The following MICU3 variants were observed in gnomAD, a reference collection of about 807,000 sequenced individuals.
MICU3 encodes the protein calcium uptake protein 3, mitochondrial.
MICU3 carries 62 observed loss-of-function variants against 66.5 expected under a neutral mutation model. The ratio of observed to expected loss-of-function variants is 0.93; its 90% CI spans 0.76 to 1.15. The LOEUF (loss-of-function observed/expected upper bound fraction) is 1.15. Ranked by LOEUF, MICU3 falls within the 50% of genes most tolerant of loss-of-function variation. The probability of loss-of-function intolerance (pLI) is 0.00; values close to 1 mark genes in which losing one functional copy is unlikely to be tolerated. For synonymous variants in MICU3, 308 were observed against 240.7 expected, an observed-to-expected ratio of 1.28 and a Z score of -2.59; for missense variants, 779 against 664.4, an observed-to-expected ratio of 1.17 and a Z score of -1.90.
downstream of MICU3, among the ~76,000 whole-genome samples, chr8:17,124,630 A>G (rs925651460): frequency 6.6e-6 from 1 of 150,670 alleles, no homozygotes; most frequent in African/African-American, 2.4e-5. Context: ...CTTATCTTTT[A>G]TTTTTTGGAA....
At chr8:17,114,012 G>T (rs1802452956) in intron 11 of MICU3, 81 bp from the exon 12 acceptor site, 1 of 854,582 alleles carries the variant, frequency 1.2e-6, no homozygotes. Flanking sequence ...TGCTTAATCT[G>T]TTTTTTTCTC....
rs1450434797 is a variant in MICU3, at chr8:17,027,710, G to C, written c.381+50G>C. The C allele has an allele frequency of 3.2e-6, 4 of 1,262,206 alleles. No homozygotes were observed. In the South Asian group the frequency reaches 1.2e-4, roughly 39 times the overall value. 78.2% of individuals were successfully genotyped at this position (1,262,206 alleles called of 1,614,324 possible). A position where few individuals can be genotyped will look rare whatever the true frequency, so the allele number is the denominator to read the frequency against. ...CCTGCGCGGGGGATGTGACCTTCGTGCCGGGTACGCAGGACCCTGGAGGCT... is the reference window on the plus strand; with the variant it reads ...CCTGCGCGGGGGATGTGACCTTCGTCCCGGGTACGCAGGACCCTGGAGGCT... On this transcript the variant is annotated intron_variant, in intron 1 of 14. Coordinates refer to ENST00000318063, the MANE Select transcript of MICU3 (RefSeq NM_181723.3).
chr8:17,103,401 C>G (rs1040834182), intron 9 of MICU3, among the ~76,000 whole-genome samples: 1 of 151,798 alleles, frequency 6.6e-6, no homozygotes, highest in African/African-American at 2.4e-5. Context: ...TATAAGAGTT[C>G]TGGACAAAAA....
chr8:17,039,998 C>G lies in MICU3; in HGVS notation c.381+12338C>G, dbSNP rs749088417. On this transcript the variant is annotated intron_variant, in intron 1 of 14. Transcript: ENST00000318063. ...TCTCAGCTCACTGCAACCTCCACCT[C>G]CCATGTTCAAGTGATTCTCTTGCCT... Among the ~76,000 whole-genome samples the G allele has an allele frequency of 2.7e-5, 4 of 146,194 alleles. No individual in the cohort carries two copies. The East Asian group carries it at 8.5e-4, about 31-fold the overall frequency.
chr8:17,129,961 T>C, the MICU3 span, among the ~76,000 whole-genome samples: 1 of 152,194 alleles, frequency 6.6e-6, no homozygotes, highest in African/African-American at 2.4e-5. Context: ...GTATAACATC[T>C]TTAAATGGTG....
intron 3 of MICU3, among the ~76,000 whole-genome samples, chr8:17,077,002 T>C (rs1003525159): frequency 2.0e-5 from 3 of 152,256 alleles, no homozygotes; most frequent in Admixed American, 2.0e-4. Context: ...AATCAAATTA[T>C]AGTTTTCACT....
chr8:17,095,103 T>C (rs1317031582), intron 8 of MICU3, among the ~76,000 whole-genome samples: 3 of 152,056 alleles, frequency 2.0e-5, no homozygotes, highest in Non-Finnish European at 2.9e-5. Flanking sequence ...CTTTCAAATC[T>C]AGCTTCATAT....
At chr8:17,124,194 A>G (rs1057208190), downstream of MICU3, among the ~76,000 whole-genome samples, 1 of 152,046 alleles carries the variant, frequency 6.6e-6, no homozygotes, top group Non-Finnish European at 1.5e-5. Context: ...CCCCTCCACT[A>G]TCCTTTCAGT....
intron 1 of MICU3, among the ~76,000 whole-genome samples, chr8:17,049,096 C>T (rs371500264): frequency 2.0e-5 from 3 of 152,288 alleles, no homozygotes; most frequent in East Asian, 3.9e-4. Flanking sequence ...ATATTTCAGA[C>T]TGGGAACATT....
intron 4 of MICU3, among the ~76,000 whole-genome samples, chr8:17,079,870 TA>T (rs1180530080): frequency 6.6e-6 from 1 of 152,070 alleles, no homozygotes; most frequent in Non-Finnish European, 1.5e-5. Context: ...ATTTAAATAA[TA>T]AAAAAATTGA....
chr8:17,079,727 C>T (rs990473671), intron 4 of MICU3, among the ~76,000 whole-genome samples: 1 of 151,952 alleles, frequency 6.6e-6, no homozygotes, highest in Non-Finnish European at 1.5e-5. Context: ...CTTCTGGACT[C>T]AAACGGTCCT....
intron 14 of MICU3, among the ~76,000 whole-genome samples, chr8:17,118,988 T>G (rs972692895): frequency 5.3e-5 from 8 of 152,196 alleles, no homozygotes; most frequent in African/African-American, 1.9e-4. Context: ...AAATTGGACT[T>G]TTATAATATA....
At chr8:17,094,016 A>G (rs1382297152) in intron 8 of MICU3, among the ~76,000 whole-genome samples, 2 of 152,090 alleles carry the variant, frequency 1.3e-5, no homozygotes, top group Admixed American at 6.6e-5. Flanking sequence ...TAATCCCTCA[A>G]TGTCCTTCAA....
In MICU3 at chr8:17,080,191, A is replaced by G. The variant is rs541788130; in HGVS notation, c.647-1502A>G. Among the ~76,000 whole-genome samples the G allele has an allele frequency of 9.9e-5, 15 of 152,148 alleles. No homozygotes were observed. The South Asian group carries it at 3.1e-3, about 32-fold the overall frequency. On this transcript the variant is annotated intron_variant, in intron 4 of 14. Coordinates refer to ENST00000318063, the MANE Select transcript of MICU3 (RefSeq NM_181723.3). The stretch of plus-strand genomic sequence containing the variant: ...CATTAAAAATATACCGTTCATCTTC[A>G]GTAGTATTTTCTCTTTTCCTTGACC...
chr8:17,077,517 A>G (rs1280830911), intron 3 of MICU3, among the ~76,000 whole-genome samples: 2 of 152,196 alleles, frequency 1.3e-5, no homozygotes, highest in African/African-American at 2.4e-5. Context: ...TGTCTTATGT[A>G]TAACCTCCCG....
At chr8:17,041,001 T>C (rs1813973732) in intron 1 of MICU3, among the ~76,000 whole-genome samples, 1 of 152,202 alleles carries the variant, frequency 6.6e-6, no homozygotes, top group Non-Finnish European at 1.5e-5. Flanking sequence ...CTGTAACTTG[T>C]ACAATAGATC....
intron 11 of MICU3, among the ~76,000 whole-genome samples, chr8:17,108,644 C>G (rs1220344664): frequency 6.6e-6 from 1 of 152,194 alleles, no homozygotes; most frequent in Non-Finnish European, 1.5e-5. Flanking sequence ...ACCTCCACTG[C>G]TACCATCCAA....
intron 9 of MICU3, chr8:17,102,535 T>C (rs760438444): frequency 2.0e-5 from 3 of 151,924 alleles, no homozygotes; most frequent in Non-Finnish European, 4.4e-5. Flanking sequence ...CAGTGACCCA[T>C]GTCTTCTAAT....
chr8:17,118,987 T>G (rs1010046642), intron 14 of MICU3, among the ~76,000 whole-genome samples: 8 of 152,218 alleles, frequency 5.3e-5, no homozygotes, highest in Non-Finnish European at 1.0e-4. Context: ...AAAATTGGAC[T>G]TTTATAATAT....
Sources: gnomAD v4.1 joint callset for allele counts (sites outside exome capture counted in the v4.1 genomes callset) on GRCh38, gnomAD v4.1.1 for gene constraint, MANE v1.5 for transcripts, NCBI Gene and HGNC (gene_info 2026-07-23, HGNC 2026-07-21) for gene names.